The following GALK2 variants were observed in gnomAD, a reference collection of about 807,000 sequenced individuals.
The protein encoded by GALK2 is galactokinase 2.
A neutral mutation model predicts 52.4 loss-of-function variants in GALK2; 36 were observed. That is an observed-to-expected ratio of 0.69 (90% CI 0.53 to 0.91). The LOEUF is 0.91. GALK2 is among the 40% of genes least tolerant of loss of function. The pLI, the probability that GALK2 is intolerant of heterozygous loss-of-function variation, is 0.00. For synonymous variants in GALK2, 176 were observed against 199.1 expected (o/e 0.88, Z 0.98); for missense variants, 579 against 559.1 (o/e 1.04, Z -0.36).
At chr15:49,276,400 G>A (rs563485897) in intron 5 of GALK2, among the ~76,000 whole-genome samples, 2 of 152,240 alleles carry the variant, frequency 1.3e-5, no homozygotes, top group South Asian at 2.1e-4. Context: ...AAAGAGAATG[G>A]TGTTCCTGAA....
intron 5 of GALK2, among the ~76,000 whole-genome samples, chr15:49,258,728 G>T (rs2091923046): frequency 6.7e-6 from 1 of 150,258 alleles, no homozygotes; most frequent in South Asian, 2.1e-4. Flanking sequence ...TAGAATTCTG[G>T]TCTGTTTTCT....
chr15:49,178,037 C>T (rs1455203240), intron 1 of GALK2, among the ~76,000 whole-genome samples: 10 of 150,318 alleles, frequency 6.7e-5, no homozygotes, highest in Non-Finnish European at 8.9e-5. Flanking sequence ...GGTGTGGTGG[C>T]GCACACCTAT....
intron 9 of GALK2, among the ~76,000 whole-genome samples, chr15:49,326,600 C>T (rs1215711947): frequency 6.6e-6 from 1 of 152,064 alleles, no homozygotes; most frequent in African/African-American, 2.4e-5. Context: ...CTTTGCCAAC[C>T]TAGAAATTTA....
At chr15:49,165,800 C>CTTTTTTT (rs552058665), upstream of GALK2, among the ~76,000 whole-genome samples, 3 of 134,722 alleles carry the variant, frequency 2.2e-5, no homozygotes, top group Non-Finnish European at 3.2e-5. Flanking sequence ...TAATGTATTT[C>CTTTTTTT]TTTTTTTTTT....
At chr15:49,190,867 A>G (rs1004956669) in intron 1 of GALK2, among the ~76,000 whole-genome samples, 1 of 152,012 alleles carries the variant, frequency 6.6e-6, no homozygotes, top group Non-Finnish European at 1.5e-5. Context: ...TTTGTCTATA[A>G]ATTTGTTCTG....
chr15:49,340,034 G>A (rs911590917), intron 3 of GALK2, among the ~76,000 whole-genome samples: 1 of 152,296 alleles, frequency 6.6e-6, no homozygotes, highest in East Asian at 1.9e-4. Flanking sequence ...TCAAGCCAGT[G>A]GATCTTAACT....
At chr15:49,322,123 G>A (rs1013579235) in intron 9 of GALK2, among the ~76,000 whole-genome samples, 1 of 152,158 alleles carries the variant, frequency 6.6e-6, no homozygotes, top group Non-Finnish European at 1.5e-5. Flanking sequence ...TCTTAAATGG[G>A]TTTGGAAGAG....
At chr15:49,236,203 T>C (rs1327318824) in intron 4 of GALK2, among the ~76,000 whole-genome samples, 1 of 152,212 alleles carries the variant, frequency 6.6e-6, no homozygotes, top group Non-Finnish European at 1.5e-5. Flanking sequence ...TTAAAATCTT[T>C]GTTTAAACAT....
chr15:49,222,214 T>C (rs1246734929), intron 3 of GALK2, among the ~76,000 whole-genome samples: 1 of 152,056 alleles, frequency 6.6e-6, no homozygotes, highest in Non-Finnish European at 1.5e-5. Context: ...ATTATTGATG[T>C]ATTGAAATGC....
intron 9 of GALK2, among the ~76,000 whole-genome samples, chr15:49,322,773 C>T (rs145508271): frequency 7.1e-4 from 108 of 152,048 alleles, no homozygotes; most frequent in Admixed American, 1.6e-3. Context: ...CTGGCTAACA[C>T]GGTGAAACCC....
intron 3 of GALK2, chr15:49,343,498 G>A (rs1257281156): frequency 1.3e-5 from 2 of 152,138 alleles, no homozygotes; most frequent in Non-Finnish European, 2.9e-5. Flanking sequence ...AGATGGAAGA[G>A]TGACTGTATT....
At chr15:49,203,435 C>T (rs79209625) in intron 2 of GALK2, among the ~76,000 whole-genome samples, 7,884 of 152,076 alleles carry the variant, frequency 0.052, 299 homozygotes, top group East Asian at 0.15. Context: ...ATTCCTTGTT[C>T]GGTGAATAGT....
chr15:49,305,213 C>G (rs1270403546), intron 8 of GALK2, among the ~76,000 whole-genome samples: 3 of 152,062 alleles, frequency 2.0e-5, no homozygotes, highest in Non-Finnish European at 4.4e-5. Context: ...TGCCTTTTTG[C>G]AGGTTATTGC....
At chr15:49,309,467 G>A (rs562989737) in intron 8 of GALK2, among the ~76,000 whole-genome samples, 5 of 152,092 alleles carry the variant, frequency 3.3e-5, no homozygotes, top group African/African-American at 9.6e-5. Flanking sequence ...TATGACAATT[G>A]TGCATATTTA....
intron 3 of GALK2, among the ~76,000 whole-genome samples, chr15:49,336,972 T>C (rs1440786975): frequency 1.3e-5 from 2 of 152,228 alleles, no homozygotes; most frequent in African/African-American, 4.8e-5. Flanking sequence ...TGTTATTTAC[T>C]TAGGATAATG....
intron 8 of GALK2, among the ~76,000 whole-genome samples, chr15:49,305,318 T>C (rs2035459883): frequency 6.6e-6 from 1 of 152,164 alleles, no homozygotes; most frequent in African/African-American, 2.4e-5. Context: ...TGATCATCAT[T>C]CATGTGGCAG....
At chr15:49,220,228 G>A (rs1468143426) in intron 3 of GALK2, among the ~76,000 whole-genome samples, 1 of 151,852 alleles carries the variant, frequency 6.6e-6, no homozygotes, top group East Asian at 1.9e-4. Flanking sequence ...CTAACCGTAT[G>A]TTTTTACCTA....
intron 8 of GALK2, among the ~76,000 whole-genome samples, chr15:49,314,208 G>T (rs953558242): frequency 2.6e-5 from 4 of 152,182 alleles, no homozygotes; most frequent in Non-Finnish European, 5.9e-5. Context: ...TTGTTACAAA[G>T]ATTGCCTAAA....
intron 3 of GALK2, among the ~76,000 whole-genome samples, chr15:49,361,765 A>G (rs1464056915): frequency 2.6e-5 from 4 of 152,132 alleles, no homozygotes; most frequent in Non-Finnish European, 5.9e-5. Flanking sequence ...TATACTCAGT[A>G]ATAGTATTGC....
Sources: allele counts gnomAD v4.1 joint callset (sites outside exome capture counted in the v4.1 genomes callset), GRCh38; gene constraint gnomAD v4.1.1; transcripts MANE v1.5; gene names NCBI Gene and HGNC (gene_info 2026-07-23, HGNC 2026-07-21).